COLGALT2: variants seen among roughly 807,000 people sequenced by gnomAD.
COLGALT2 encodes the protein procollagen galactosyltransferase 2.
Under a neutral mutation model 73.4 loss-of-function variants are expected in COLGALT2, and 49 were observed. The ratio of observed to expected loss-of-function variants is 0.67; its 90% confidence interval spans 0.53 to 0.85. The LOEUF is 0.85. COLGALT2 is among the 40% of genes least tolerant of loss of function. The pLI is 0.00. For missense variants in COLGALT2, 722 were observed against 790.2 expected, an observed-to-expected ratio of 0.91 and a Z score of 1.03; for synonymous variants, 295 against 307.6, an observed-to-expected ratio of 0.96 and a Z score of 0.43.
In COLGALT2 at chr1:184,009,160, G is replaced by A. The variant is rs1042439106; in HGVS notation, c.263+27935C>T. Reference sequence around the variant, plus strand: ...ATAAGCCTGCAAACTTCAGTGCTATGAGTTCTGACACATTAATCTCCACAT... The same window carrying A: ...ATAAGCCTGCAAACTTCAGTGCTATAAGTTCTGACACATTAATCTCCACAT... On this transcript the variant is annotated intron_variant, in intron 1 of 11. Coordinates refer to ENST00000361927, the MANE Select transcript of COLGALT2 (RefSeq NM_015101.4). 1.1e-4 allele frequency among the ~76,000 whole-genome samples: 16 copies of A among 152,320 alleles called. 1 individual carries two copies. Among genetic ancestry groups the A allele is most frequent in the Non-Finnish European group, 7.4e-5 (5 of 68,026 alleles).
Position 183,940,696 on chromosome 1 carries a change from T to C in COLGALT2, c.1489A>G (p.Thr497Ala), listed in dbSNP as rs1418836678. The change falls in exon 11 of 12, where the codon ACC becomes GCC. Residue 497 changes from threonine (T) to alanine (A), a missense_variant. Thr to Ala is a moderately conservative substitution (Grantham distance 58). Coordinates refer to ENST00000361927, the MANE Select transcript of COLGALT2 (RefSeq NM_015101.4). The part of the protein sequence containing the change: ...NLVEADYSYW[T>A]LGYVISLEGA... ...TCCAGAGAGATGACGTAGCCCAGGG[T>C]CCAGTAGGAATAGTCGGCTTCGACC... The C allele has an allele frequency of 6.2e-7, 1 of 1,614,174 alleles. No homozygotes were observed. The highest frequency in any genetic ancestry group is 8.5e-7 in the Non-Finnish European group (1 of 1,180,036).
At chr1:184,032,550 C>T (rs1429792111) in intron 1 of COLGALT2, among the ~76,000 whole-genome samples, 1 of 152,122 alleles carries the variant, frequency 6.6e-6, no homozygotes, top group African/African-American at 2.4e-5. Context: ...TTTCTTCCTC[C>T]AACTCTGGTT....
chr1:184,008,317 A>G (rs1672136932), intron 1 of COLGALT2, among the ~76,000 whole-genome samples: 1 of 152,242 alleles, frequency 6.6e-6, no homozygotes. Flanking sequence ...AGGAGACTAA[A>G]GAGACAGAAT....
intron 2 of COLGALT2, among the ~76,000 whole-genome samples, chr1:183,977,723 A>G (rs1671238198): frequency 6.6e-6 from 1 of 151,836 alleles, no homozygotes; most frequent in African/African-American, 2.4e-5. Context: ...CAGGAGTACG[A>G]GGTTACAGTG....
At chr1:183,930,569 C>CTTTTTTTTTTTTT (rs397861890) in intron 11 of COLGALT2, among the ~76,000 whole-genome samples, 20 of 114,064 alleles carry the variant, frequency 1.8e-4, no homozygotes, top group East Asian at 2.8e-4. Context: ...TTTTCTTTTT[C>CTTTTTTTTTTTTT]TTTTTTTTTT....
intron 1 of COLGALT2, among the ~76,000 whole-genome samples, chr1:184,036,028 T>A (rs1649662605): frequency 6.6e-6 from 1 of 152,202 alleles, no homozygotes; most frequent in Admixed American, 6.5e-5. Context: ...GCTTTAAGGA[T>A]GTGTCTCGCC....
Position 184,012,718 on chromosome 1 carries a change from T to C in COLGALT2, c.263+24377A>G, listed in dbSNP as rs183932005. ...TTTTCTGGTTCTTGAGAAAAGCATG[T>C]GATCTCTGTTTTGATCCTAACTTTG... is the stretch of plus-strand genomic sequence containing the variant. On this transcript the variant is annotated intron_variant, in intron 1 of 11. Coordinates refer to ENST00000361927, the MANE Select transcript of COLGALT2 (RefSeq NM_015101.4). Among the ~76,000 whole-genome samples the C allele has an allele frequency of 2.0e-5, 3 of 152,354 alleles. No individual in the cohort carries two copies. The East Asian group carries it at 5.8e-4, about 29-fold the overall frequency.
intron 10 of COLGALT2, 40 bp from the exon 11 acceptor site, chr1:183,940,827 T>TA (rs754197988): frequency 6.6e-7 from 1 of 1,524,702 alleles, no homozygotes; most frequent in Admixed American, 1.7e-5. Context: ...CCACCTTGAC[T>TA]ATTATGCCAT....
intron 1 of COLGALT2, among the ~76,000 whole-genome samples, chr1:184,030,209 T>C (rs1040794609): frequency 8.5e-5 from 13 of 152,230 alleles, no homozygotes; most frequent in African/African-American, 2.9e-4. Flanking sequence ...ATTTTTGATA[T>C]GCTAACAACA....
At chr1:184,030,518 G>T (rs779701576) in intron 1 of COLGALT2, among the ~76,000 whole-genome samples, 15 of 152,222 alleles carry the variant, frequency 9.9e-5, no homozygotes, top group Admixed American at 7.2e-4. Context: ...ACTATACTGT[G>T]CCATAGACTT....
In COLGALT2 at chr1:183,951,128, A is replaced by G. The variant is rs1670386835; in HGVS notation, c.1030-15T>C. The G allele has an allele frequency of 6.4e-7, 1 of 1,569,314 alleles. No individual in the cohort carries two copies. The highest frequency in any genetic ancestry group is 2.2e-5 in the East Asian group (1 of 44,654). ...ATCATGAAAATCTAATGCAAGAAGGAAAAGGGAAAAGACACATAAATTACT... is the reference window on the plus strand; with the variant it reads ...ATCATGAAAATCTAATGCAAGAAGGGAAAGGGAAAAGACACATAAATTACT... On this transcript the variant is annotated splice_polypyrimidine_tract_variant and intron_variant, in intron 7 of 11. Transcript: ENST00000361927.
At position 184,013,842 on chromosome 1, in the gene COLGALT2, G is replaced by GA. The variant is rs932184321; in HGVS notation, c.263+23252dup. Among the ~76,000 whole-genome samples, 49 of 152,056 alleles carry GA rather than the reference G, an allele frequency of 3.2e-4. 1 individual carries two copies. Among genetic ancestry groups the GA allele is most frequent in the Non-Finnish European group, 6.0e-4 (41 of 67,964 alleles). ...AGTGGCAGAACAGATAGGAAAAAGTGAAAAAAATCTAGAGGATTAAGTAGG... is the reference window on the plus strand; with the variant it reads ...AGTGGCAGAACAGATAGGAAAAAGTGAAAAAAAATCTAGAGGATTAAGTAGG... On this transcript the variant is annotated intron_variant, in intron 1 of 11. Coordinates refer to ENST00000361927, the MANE Select transcript of COLGALT2 (RefSeq NM_015101.4).
Position 183,966,400 on chromosome 1 carries a change from T to C in COLGALT2, c.833-2380A>G, listed in dbSNP as rs571492094. On this transcript the variant is annotated intron_variant, in intron 5 of 11. Transcript: ENST00000361927. Reference sequence around the variant, plus strand: ...ATAGTACCTTAACATTGCAGATTGATGTAATTATCCCTATCTTTGGTGATG... The same window carrying C: ...ATAGTACCTTAACATTGCAGATTGACGTAATTATCCCTATCTTTGGTGATG... Among the ~76,000 whole-genome samples the C allele has an allele frequency of 6.1e-4, 93 of 152,336 alleles. 2 individuals carry two copies. The highest frequency in any genetic ancestry group is 3.4e-3 in the Admixed American group (52 of 15,302).
Position 183,965,236 on chromosome 1 carries a change from A to T in COLGALT2, c.833-1216T>A, listed in dbSNP as rs1670834454. On this transcript the variant is annotated intron_variant, in intron 5 of 11. Coordinates refer to ENST00000361927, the MANE Select transcript of COLGALT2 (RefSeq NM_015101.4). ...GCACCTTCTTGTAAAGTCATGATGA[A>T]TTCAGGAAGTGGAAGGAAAAATATA... Among the ~76,000 whole-genome samples, 3 of 152,148 alleles carry T rather than the reference A, an allele frequency of 2.0e-5. No homozygotes were observed. In the South Asian group the frequency reaches 6.2e-4, roughly 32 times the overall value.
chr1:183,930,079 T>C (rs1212370473), exon 12 of COLGALT2: 1 of 365,494 alleles, frequency 2.7e-6, no homozygotes, highest in Non-Finnish European at 5.4e-6. Context: ...GCGACACCTG[T>C]CACTTCTGTT....
rs1369220003 is a variant in COLGALT2, at chr1:183,975,100, A to C, written c.489T>G (p.Ile163Met). 4.4e-6 allele frequency: 7 copies of C among 1,606,802 alleles called. No individual in the cohort carries two copies. The highest frequency in any genetic ancestry group is 6.0e-6 in the Non-Finnish European group (7 of 1,173,496). The stretch of plus-strand genomic sequence containing the variant: ...GAAATCAAACATCTGTTTTTACCAG[A>C]ATGTAGTCTGACCATTTTTCCCTCG... The part of the protein sequence containing the change: ...RTAREKWSDY[I>M]LFIDVDNFLT... The change falls in exon 3 of 12, where the codon ATT becomes ATG. Residue 163 changes from isoleucine to methionine, a missense_variant. Ile to Met is a conservative substitution (Grantham distance 10, BLOSUM62 1). Transcript: ENST00000361927.
At chr1:184,023,360 T>C (rs1467513158) in intron 1 of COLGALT2, among the ~76,000 whole-genome samples, 1 of 152,158 alleles carries the variant, frequency 6.6e-6, no homozygotes, top group Non-Finnish European at 1.5e-5. Context: ...CTGAAGGCAT[T>C]GCCAATGTTT....
chr1:183,933,438 C>T (rs1669885376), downstream of COLGALT2, among the ~76,000 whole-genome samples: 2 of 152,218 alleles, frequency 1.3e-5, no homozygotes, highest in African/African-American at 2.4e-5. Flanking sequence ...TAGGCCTGAG[C>T]AACAATATCA....
intron 10 of COLGALT2, 116 bp downstream of exon 10, chr1:183,944,080 A>G (rs902390467): frequency 2.5e-6 from 3 of 1,207,482 alleles, no homozygotes; most frequent in Non-Finnish European, 3.4e-6. Context: ...AAAGAAAACT[A>G]GATAAGTGGA....
Sources: allele counts gnomAD v4.1 joint callset (sites outside exome capture counted in the v4.1 genomes callset), GRCh38; gene constraint gnomAD v4.1.1; transcripts MANE v1.5; gene names NCBI Gene and HGNC (gene_info 2026-07-23, HGNC 2026-07-21).